Variants in KIFC1 observed in about 807,000 individuals in gnomAD.
KIFC1 encodes the protein kinesin-like protein KIFC1.
A neutral mutation model predicts 66.6 loss-of-function variants in KIFC1; 37 were observed. The ratio of observed to expected loss-of-function variants is 0.56; its 90% confidence interval spans 0.43 to 0.73. The LOEUF (loss-of-function observed/expected upper bound fraction) is 0.73, where lower values mean the gene tolerates loss of function less well. Among genes scored for constraint, KIFC1 ranks in the 30% least tolerant of loss-of-function variants. The probability of loss-of-function intolerance (pLI) is 0.00; values close to 1 mark genes in which losing one functional copy is unlikely to be tolerated. For missense variants in KIFC1, 721 were observed against 859.8 expected (o/e 0.84, Z 2.02); for synonymous variants, 325 against 343.5 (o/e 0.95, Z 0.60).
chr6:33,405,739 C>A lies in KIFC1; in HGVS notation c.1536+108C>A. 2 of 1,190,700 alleles carry A rather than the reference C, an allele frequency of 1.7e-6. No individual in the cohort carries two copies. Among genetic ancestry groups the A allele is most frequent in the Non-Finnish European group, 1.1e-6 (1 of 891,358 alleles). The allele number at this position is 1,190,700 out of a possible 1,614,324, so 73.8% of individuals were successfully genotyped here. On this transcript the variant is annotated intron_variant, in intron 7 of 10. Transcript: ENST00000428849. The surrounding 1 kb of genome is among the most constrained non-coding windows in gnomAD (Gnocchi z 5.4). ...CAAGAGAGAATTGAAGGATGAAGTG[C>A]AAGTTATCAGGCTGGGTTACCACAT...
upstream of KIFC1, chr6:33,391,618 G>C: frequency 2.3e-6 from 1 of 429,156 alleles, no homozygotes; most frequent in Non-Finnish European, 4.3e-6. Context: ...CGCTAGAGGA[G>C]GGGAGGGGTG....
Position 33,404,736 on chromosome 6 carries a change from C to A in KIFC1, c.757-116C>A. Reference sequence around the variant, plus strand: ...TTCTCATCTTTCTTTGTTTACCAGACTTTGAGGTCCTTTTGAGCAGGGACC... The same window carrying A: ...TTCTCATCTTTCTTTGTTTACCAGAATTTGAGGTCCTTTTGAGCAGGGACC... On this transcript the variant is annotated intron_variant, in intron 6 of 10. Transcript: ENST00000428849. The surrounding 1 kb of genome is among the most constrained non-coding windows in gnomAD (Gnocchi z 4.0). 2.2e-6 allele frequency: 2 copies of A among 912,864 alleles called. No homozygotes were observed. The highest frequency in any genetic ancestry group is 3.4e-6 in the Non-Finnish European group (2 of 594,044). The allele number at this position is 912,864 out of a possible 1,614,324, so 56.5% of individuals were successfully genotyped here.
Position 33,406,841 on chromosome 6 carries a change from C to G in KIFC1, c.1943C>G (p.Ser648Cys). ...ATTTCTCCACTGGAAGAGAACGTCT[C>G]CGAGTCCCTCAACTCTCTACGCTTT... ...VNISPLEENV[S>C]ESLNSLRFAS... Residue 648 changes from serine (S) to cysteine (C), a missense_variant, in exon 10 of 11, where the codon TCC becomes TGC. Physicochemically the swap from Ser to Cys is moderately radical, Grantham distance 112. Transcript: ENST00000428849. The surrounding 1 kb of genome is among the most constrained non-coding windows in gnomAD (Gnocchi z 4.5). 6.2e-7 allele frequency: 1 copy of G among 1,614,124 alleles called. No homozygotes were observed. Among genetic ancestry groups the G allele is most frequent in the Non-Finnish European group, 8.5e-7 (1 of 1,180,010 alleles).
intron 2 of KIFC1, 38 bp downstream of exon 2, chr6:33,398,204 G>GGT (rs761422910): frequency 1.3e-5 from 21 of 1,610,566 alleles, no homozygotes; most frequent in African/African-American, 6.7e-5. Flanking sequence ...GTGTGTGGGG[G>GGT]GTGTGTGTGT....
chr6:33,398,487 C>A, intron 3 of KIFC1, 100 bp downstream of exon 3: 1 of 947,430 alleles, frequency 1.1e-6, no homozygotes, highest in Non-Finnish European at 1.6e-6. Context: ...TTTTTTGAGA[C>A]AGAGTCTCGC....
In KIFC1 at chr6:33,406,039, A is replaced by G. The variant is rs1775632925; in HGVS notation, c.1537-157A>G. On this transcript the variant is annotated intron_variant, in intron 7 of 10. Transcript: ENST00000428849. The surrounding 1 kb of genome is among the most constrained non-coding windows in gnomAD (Gnocchi z 4.5). ...CCTTTATACACTCCCTATTCTATGTATTCCTTACCATTTTCAGACATACTG... is the reference window on the plus strand; with the variant it reads ...CCTTTATACACTCCCTATTCTATGTGTTCCTTACCATTTTCAGACATACTG... Among the ~76,000 whole-genome samples, 1 of 151,568 alleles carries G rather than the reference A, an allele frequency of 6.6e-6. No homozygotes were observed. The highest frequency in any genetic ancestry group is 6.6e-5 in the Admixed American group (1 of 15,238).
chr6:33,403,858 A>G lies in KIFC1; in HGVS notation c.485A>G (p.Gln162Arg), dbSNP rs762176501. Reference protein sequence around the residue: ...RCRERTQTLDQENQQLQDQLR... With the variant: ...RCRERTQTLDRENQQLQDQLR... The stretch of plus-strand genomic sequence containing the variant: ...CGTGAGAGGACTCAAACGTTGGACC[A>G]AGAGAACCAGCAGCTTCAGGACCAG... Residue 162 changes from glutamine (Q) to arginine (R), a missense_variant, in exon 6 of 11, where the codon CAA becomes CGA. Gln to Arg is a conservative substitution (Grantham distance 43). Transcript: ENST00000428849. This position sits in a 1 kb window ranked among gnomAD's most constrained non-coding sequence, Gnocchi z 4.6. The G allele has an allele frequency of 6.2e-7, 1 of 1,614,264 alleles. No individual in the cohort carries two copies. The highest frequency in any genetic ancestry group is 8.5e-7 in the Non-Finnish European group (1 of 1,180,058).
At position 33,406,573 on chromosome 6, in the gene KIFC1, C is replaced by T. The variant is rs769125888; in HGVS notation, c.1828-19C>T. 1.8e-5 allele frequency: 29 copies of T among 1,613,828 alleles called. No individual in the cohort carries two copies. The highest frequency in any genetic ancestry group is 2.3e-5 in the Non-Finnish European group (27 of 1,179,880). On this transcript the variant is annotated intron_variant, in intron 8 of 10. Transcript: ENST00000428849. The surrounding 1 kb of genome is among the most constrained non-coding windows in gnomAD (Gnocchi z 4.5). ...ACCCTGCCTATTCCTAAACATCTGT[C>T]CCCACCTCAATCATCTAGGAGTCCC...
In KIFC1 at chr6:33,400,002, C is replaced by CTT; in HGVS notation, c.250+1624_250+1625dup. On this transcript the variant is annotated intron_variant, in intron 3 of 10. Coordinates refer to ENST00000428849, the MANE Select transcript of KIFC1 (RefSeq NM_002263.4). This position sits in a 1 kb window ranked among gnomAD's most constrained non-coding sequence, Gnocchi z 4.3. ...ATGTAACATTTTAATCTTTTTTTAA[C>CTT]TTTTTTTTTTCGACCAGTTGTCAAA... 24 of 554,676 alleles carry CTT rather than the reference C, an allele frequency of 4.3e-5. No homozygotes were observed. Among genetic ancestry groups the CTT allele is most frequent in the South Asian group, 2.2e-4 (10 of 45,192 alleles). 34.4% of individuals were successfully genotyped at this position (554,676 alleles called of 1,614,324 possible). A position where few individuals can be genotyped will look rare whatever the true frequency, so the allele number is the denominator to read the frequency against.
chr6:33,403,759 A>G lies in KIFC1; in HGVS notation c.386A>G (p.Lys129Arg). 6.2e-7 allele frequency: 1 copy of G among 1,613,794 alleles called. No individual in the cohort carries two copies. The highest frequency in any genetic ancestry group is 8.5e-7 in the Non-Finnish European group (1 of 1,179,776). Residue 129 changes from lysine (K) to arginine (R), a missense_variant, in exon 6 of 11, where the codon AAG becomes AGG. Transcript: ENST00000428849. The surrounding 1 kb of genome is among the most constrained non-coding windows in gnomAD (Gnocchi z 4.6). ...TSGVPPMAGG[K>R]KPSKRPAWDL... is the part of the protein sequence containing the mutation. ...GGTGTTCCTCCCATGGCAGGAGGGA[A>G]GAAACCCAGCAAACGTCCAGCCTGG...
Position 33,400,797 on chromosome 6 carries a change from C to T in KIFC1, c.250+2410C>T, listed in dbSNP as rs1158395514. Among the ~76,000 whole-genome samples the T allele has an allele frequency of 6.6e-6, 1 of 152,164 alleles. No individual in the cohort carries two copies. The highest frequency in any genetic ancestry group is 2.4e-5 in the African/African-American group (1 of 41,440). ...GCGTAGCTGGGACTACAGGCGCCCT[C>T]CACCACACTTGGCTAATTTTGTTTT... On this transcript the variant is annotated intron_variant, in intron 3 of 10. Coordinates refer to ENST00000428849, the MANE Select transcript of KIFC1 (RefSeq NM_002263.4). The surrounding 1 kb of genome is among the most constrained non-coding windows in gnomAD (Gnocchi z 4.3).
Position 33,405,485 on chromosome 6 carries a change from A to C in KIFC1, c.1390A>C (p.Ile464Leu). Residue 464 changes from isoleucine (I) to leucine (L), a missense_variant, in exon 7 of 11, where the codon ATC becomes CTC. Physicochemically the swap from Ile to Leu is conservative, Grantham distance 5. Transcript: ENST00000428849. The surrounding 1 kb of genome is among the most constrained non-coding windows in gnomAD (Gnocchi z 5.4). ...CAGCTTTGTAGCAAGCTACGTAGAG[A>C]TCTACAATGAGACTGTCCGGGACCT... is the stretch of plus-strand genomic sequence containing the variant. ...TYSFVASYVE[I>L]YNETVRDLLA... 1 of 1,612,698 alleles carries C rather than the reference A, an allele frequency of 6.2e-7. No homozygotes were observed. Among genetic ancestry groups the C allele is most frequent in the Non-Finnish European group, 8.5e-7 (1 of 1,179,308 alleles).
chr6:33,401,704 C>CTTT lies in KIFC1; in HGVS notation c.251-1597_251-1595dup, dbSNP rs9280440. Among the ~76,000 whole-genome samples the CTTT allele has an allele frequency of 3.1e-5, 4 of 129,818 alleles. No homozygotes were observed. 85.2% of individuals were successfully genotyped at this position (129,818 alleles called of 152,430 possible). On this transcript the variant is annotated intron_variant, in intron 3 of 10. Coordinates refer to ENST00000428849, the MANE Select transcript of KIFC1 (RefSeq NM_002263.4). The surrounding 1 kb of genome is among the most constrained non-coding windows in gnomAD (Gnocchi z 4.5). ...ATAACAATGCTTTCTTCTGGATTGCCTTTTTTTTTTTTTTTGAGACGGAGT... is the reference window on the plus strand; with the variant it reads ...ATAACAATGCTTTCTTCTGGATTGCCTTTTTTTTTTTTTTTTTTGAGACGGAGT...
At chr6:33,408,827 C>T (rs922456654) in intron 10 of KIFC1, among the ~76,000 whole-genome samples, 13 of 152,134 alleles carry the variant, frequency 8.5e-5, no homozygotes, top group South Asian at 2.1e-4. Context: ...CCACCCAGCC[C>T]GGCCACAGTC....
intron 10 of KIFC1, among the ~76,000 whole-genome samples, chr6:33,409,317 G>T (rs1364057353): frequency 6.6e-6 from 1 of 152,152 alleles, no homozygotes; most frequent in Non-Finnish European, 1.5e-5. Flanking sequence ...CTAAATGGGT[G>T]TTATTACTAT....
intron 1 of KIFC1, among the ~76,000 whole-genome samples, chr6:33,395,757 TA>T (rs1360943251): frequency 6.6e-6 from 1 of 152,096 alleles, no homozygotes; most frequent in Non-Finnish European, 1.5e-5. Flanking sequence ...AGGTTATTTT[TA>T]AAAATTAGTG....
rs754012077 is a variant in KIFC1 at position 33,403,339 on chromosome 6, AC to A, written c.280del (p.Arg94GlyfsTer10). On this transcript the variant is annotated frameshift_variant, in exon 4 of 11. Transcript: ENST00000428849. LOFTEE classifies it high-confidence loss of function. This position sits in a 1 kb window ranked among gnomAD's most constrained non-coding sequence, Gnocchi z 4.6. Reference sequence around the variant, plus strand: ...CTCAAAAAGTTTCCAAGAAGACAGGACCCCGGTGTTCCACAGCTATTGCCAC... The same window carrying A: ...CTCAAAAAGTTTCCAAGAAGACAGGACCCGGTGTTCCACAGCTATTGCCAC... ...TAQKVSKKTG[P>X]RCSTAIATGL... The A allele has an allele frequency of 6.2e-7, 1 of 1,613,754 alleles. No individual in the cohort carries two copies. Among genetic ancestry groups the A allele is most frequent in the South Asian group, 1.1e-5 (1 of 91,054 alleles).
chr6:33,400,409 T>C lies in KIFC1; in HGVS notation c.250+2022T>C, dbSNP rs756515637. 13 of 1,602,068 alleles carry C rather than the reference T, an allele frequency of 8.1e-6. No homozygotes were observed. The highest frequency in any genetic ancestry group is 6.7e-5 in the Admixed American group (4 of 59,846). On this transcript the variant is annotated intron_variant, in intron 3 of 10. Coordinates refer to ENST00000428849, the MANE Select transcript of KIFC1 (RefSeq NM_002263.4). This position sits in a 1 kb window ranked among gnomAD's most constrained non-coding sequence, Gnocchi z 4.3. ...ATCCTCAGGCCCTTCCAGTCACCCG[T>C]TGCCTTGGCAATGTCATCACCAACC...
At chr6:33,408,892 G>A (rs962364917) in intron 10 of KIFC1, among the ~76,000 whole-genome samples, 1 of 152,298 alleles carries the variant, frequency 6.6e-6, no homozygotes, top group East Asian at 1.9e-4. Flanking sequence ...GAACCTCCTG[G>A]CCGGGCGCGG....
Sources: allele counts gnomAD v4.1 joint callset (sites outside exome capture counted in the v4.1 genomes callset), GRCh38; gene constraint gnomAD v4.1.1; non-coding constraint Gnocchi (gnomAD v3.1); transcripts MANE v1.5; gene names NCBI Gene and HGNC (gene_info 2026-07-23, HGNC 2026-07-21).